The following ZFHX3 variants were observed in gnomAD, a reference collection of about 807,000 sequenced individuals.
ZFHX3 encodes zinc finger homeobox 3, also known as zinc finger homeobox protein 3.
ZFHX3 carries 42 observed loss-of-function variants against 279.1 expected under a neutral mutation model. The ratio of observed to expected loss-of-function variants is 0.15; its 90% CI spans 0.12 to 0.19. The LOEUF is 0.19. ZFHX3 is among the 10% of genes least tolerant of loss of function. The pLI is 1.00. For missense variants in ZFHX3, 4,981 were observed against 4,754.0 expected, an observed-to-expected ratio of 1.05 and a Z score of -1.40; for synonymous variants, 2,293 against 1,957.8, an observed-to-expected ratio of 1.17 and a Z score of -4.52.
chr16:73,407,905 C>A (rs1235960903), intron 3 of ZFHX3, among the ~76,000 whole-genome samples: 1 of 152,136 alleles, frequency 6.6e-6, no homozygotes, highest in East Asian at 1.9e-4. Context: ...TGGCTTTTAT[C>A]AATTCCTACC....
At chr16:73,471,748 A>C (rs2018672350) in intron 2 of ZFHX3, among the ~76,000 whole-genome samples, 2 of 152,154 alleles carry the variant, frequency 1.3e-5, no homozygotes, top group Admixed American at 6.5e-5. Flanking sequence ...TGACAATCTC[A>C]CTTGAGAAGA....
chr16:73,733,766 C>A (rs575960379), intron 1 of ZFHX3, among the ~76,000 whole-genome samples: 79 of 152,220 alleles, frequency 5.2e-4, no homozygotes, highest in African/African-American at 1.6e-3. Flanking sequence ...AAAACTACAG[C>A]TGAAGAATTC....
At chr16:73,593,568 G>A (rs920324690) in intron 2 of ZFHX3, among the ~76,000 whole-genome samples, 6 of 95,352 alleles carry the variant, frequency 6.3e-5, no homozygotes, top group African/African-American at 2.0e-4. Context: ...AAAGAAAAGA[G>A]AAGAAAAGAA....
At chr16:73,369,015 T>C (rs1393558083) in intron 3 of ZFHX3, among the ~76,000 whole-genome samples, 1 of 152,340 alleles carries the variant, frequency 6.6e-6, no homozygotes, top group Non-Finnish European at 1.5e-5. Context: ...TCTGCCTCAG[T>C]GTCCTCACCT....
Position 72,798,376 on chromosome 16 carries a change from G to T in ZFHX3, c.4306C>A (p.Arg1436Ser), listed in dbSNP as rs751910404. 4 of 1,614,078 alleles carry T rather than the reference G, an allele frequency of 2.5e-6. No homozygotes were observed. In the East Asian group the frequency reaches 6.7e-5, roughly 27 times the overall value. Residue 1436 changes from arginine (R) to serine (S), a missense_variant, in exon 9 of 10, where the codon CGC (arginine) becomes AGC (serine). Physicochemically the swap from Arg to Ser is moderately radical, Grantham distance 110. Around this residue, in one of 7 missense-constraint regions of ZFHX3, gnomAD observed 1,751 missense variants for 1,770.0 expected, o/e 0.99. Transcript: ENST00000268489. Reference protein sequence around the residue: ...RAATMCCLCQRSFRTFQALKK... With the variant: ...RAATMCCLCQSSFRTFQALKK... Reference sequence around the variant, plus strand: ...AGAGCCTGGAAAGTTCGGAAACTGCGCTGACAAAGACAGCACATGGTGGCA... The same window carrying T: ...AGAGCCTGGAAAGTTCGGAAACTGCTCTGACAAAGACAGCACATGGTGGCA...
chr16:72,870,710 T>A (rs1446796985), intron 4 of ZFHX3, among the ~76,000 whole-genome samples: 3 of 101,358 alleles, frequency 3.0e-5, no homozygotes, highest in African/African-American at 9.3e-5. Flanking sequence ...AGAGCAAGAC[T>A]CTGTCTCAAA....
intron 4 of ZFHX3, among the ~76,000 whole-genome samples, chr16:73,298,865 C>A (rs189383472): frequency 6.6e-6 from 1 of 152,358 alleles, no homozygotes; most frequent in African/African-American, 2.4e-5. Flanking sequence ...AAGGTCTCTA[C>A]TTTGCAGAGC....
rs547437878 is a variant in ZFHX3 at position 73,157,495 on chromosome 16, G to A, written c.-1103-13664C>T. Among the ~76,000 whole-genome samples, 16 of 130,086 alleles carry A rather than the reference G, an allele frequency of 1.2e-4. No homozygotes were observed. In the South Asian group the frequency reaches 2.9e-3, roughly 24 times the overall value. 85.3% of individuals were successfully genotyped at this position (130,086 alleles called of 152,430 possible). On this transcript the variant is annotated intron_variant, in intron 5 of 17. Coordinates refer to the ZFHX3 transcript ENST00000641206. ...AAAAAAAAAAAAAAGGCCAGTCCAC[G>A]ATAGACATTTTATCTGAAAGATATA...
intron 4 of ZFHX3, among the ~76,000 whole-genome samples, chr16:72,855,063 T>TA (rs1416195029): frequency 2.6e-5 from 4 of 152,108 alleles, no homozygotes; most frequent in African/African-American, 9.7e-5. Flanking sequence ...ACGTTCCAAT[T>TA]AAACAGAGAG....
At chr16:73,671,164 C>A (rs1371157136) in intron 2 of ZFHX3, among the ~76,000 whole-genome samples, 1 of 152,186 alleles carries the variant, frequency 6.6e-6, no homozygotes, top group Non-Finnish European at 1.5e-5. Flanking sequence ...TTTTGCAGTT[C>A]GCAGATTTCC....
intron 2 of ZFHX3, among the ~76,000 whole-genome samples, chr16:73,463,640 C>G (rs924830590): frequency 5.3e-5 from 8 of 152,314 alleles, no homozygotes; most frequent in South Asian, 2.1e-4. Flanking sequence ...CCCCTCCCCC[C>G]ACCTTCCTAT....
chr16:73,051,816 C>A (rs1361984643), upstream of ZFHX3, among the ~76,000 whole-genome samples: 3 of 152,080 alleles, frequency 2.0e-5, no homozygotes, highest in African/African-American at 7.2e-5. Flanking sequence ...CTCTTTCTCG[C>A]TCCTTCTTTT....
At chr16:73,142,076 C>T (rs1966849065) in intron 6 of ZFHX3, among the ~76,000 whole-genome samples, 1 of 152,180 alleles carries the variant, frequency 6.6e-6, no homozygotes, top group Non-Finnish European at 1.5e-5. Flanking sequence ...TATCATTCAC[C>T]TCCAGAGCAT....
At chr16:73,089,517 G>A (rs8049731) in intron 8 of ZFHX3, among the ~76,000 whole-genome samples, 6,303 of 152,276 alleles carry the variant, frequency 0.041, 193 homozygotes, top group African/African-American at 0.093. Context: ...CTGTGTCACC[G>A]AACAAGGGTC....
chr16:73,278,872 T>C (rs549573917), intron 4 of ZFHX3, among the ~76,000 whole-genome samples: 1 of 152,278 alleles, frequency 6.6e-6, no homozygotes, highest in African/African-American at 2.4e-5. Flanking sequence ...TGGTGCATTT[T>C]ACAATCCTCT....
chr16:73,322,540 TCTTGTAGGCAGAATTGCTCTCGGTTTCC>T (rs2143201470), intron 3 of ZFHX3, among the ~76,000 whole-genome samples: 1 of 152,268 alleles, frequency 6.6e-6, no homozygotes, highest in Non-Finnish European at 1.5e-5. Context: ...ATAGCCCTTA[TCTTGTAGGCAGAATTGCTCTCGGTTTCC>T]AATCTTCCCC....
At chr16:73,204,711 C>A (rs1319921630) in intron 5 of ZFHX3, among the ~76,000 whole-genome samples, 1 of 152,184 alleles carries the variant, frequency 6.6e-6, no homozygotes, top group Admixed American at 6.5e-5. Flanking sequence ...TTCCACCTTG[C>A]AAGGATATAG....
At chr16:72,943,946 T>C (rs1021177528) in intron 3 of ZFHX3, among the ~76,000 whole-genome samples, 2 of 152,196 alleles carry the variant, frequency 1.3e-5, no homozygotes, top group African/African-American at 4.8e-5. Context: ...TGACCTAAAA[T>C]GATTTTCATA....
intron 5 of ZFHX3, among the ~76,000 whole-genome samples, chr16:73,236,363 C>T (rs559023246): frequency 1.3e-5 from 2 of 152,156 alleles, no homozygotes; most frequent in East Asian, 1.9e-4. Context: ...TTTGCAAGGC[C>T]GAGGCAGGTG....
Sources: allele counts gnomAD v4.1 joint callset (sites outside exome capture counted in the v4.1 genomes callset), GRCh38; gene constraint gnomAD v4.1.1; regional missense constraint gnomAD v4.1.1; transcripts MANE v1.5; gene names NCBI Gene and HGNC (gene_info 2026-07-23, HGNC 2026-07-21).